Variants in CACHD1 observed in about 807,000 individuals in gnomAD.
The protein encoded by CACHD1 is cache domain containing 1, also known as VWFA and cache domain-containing protein 1.
In CACHD1, 71 loss-of-function variants were observed where a neutral mutation model predicts 138.7. The ratio of observed to expected loss-of-function variants is 0.51; its 90% CI spans 0.42 to 0.62. The LOEUF (loss-of-function observed/expected upper bound fraction) is 0.62, where lower values mean the gene tolerates loss of function less well. Ranked by LOEUF, CACHD1 falls within the 20% of genes least tolerant of loss-of-function variation. The pLI is 0.00. For missense variants in CACHD1, 1,389 were observed against 1,625.3 expected (o/e 0.85, Z 2.50); for synonymous variants, 578 against 591.5 (o/e 0.98, Z 0.33).
intron 2 of CACHD1, among the ~76,000 whole-genome samples, chr1:64,559,675 C>A (rs1485711620): frequency 6.6e-6 from 1 of 151,480 alleles, no homozygotes; most frequent in Admixed American, 6.6e-5. Flanking sequence ...ACAAACAAAC[C>A]AAAAAAACAA....
chr1:64,486,231 T>G (rs946786816), intron 1 of CACHD1, among the ~76,000 whole-genome samples: 3 of 152,216 alleles, frequency 2.0e-5, no homozygotes, highest in Admixed American at 6.5e-5. Context: ...TTAAATAATT[T>G]AATGATTTTT....
intron 2 of CACHD1, among the ~76,000 whole-genome samples, chr1:64,553,344 C>G (rs981104350): frequency 5.9e-5 from 9 of 152,312 alleles, no homozygotes; most frequent in Admixed American, 5.9e-4. Context: ...ACATTCTAGA[C>G]TCTGTGGTCC....
intron 2 of CACHD1, among the ~76,000 whole-genome samples, chr1:64,554,146 C>T (rs943148621): frequency 1.3e-5 from 2 of 152,236 alleles, no homozygotes; most frequent in African/African-American, 4.8e-5. Flanking sequence ...ATCCTCCTGC[C>T]TCAGCCTCCC....
At chr1:64,489,888 T>C (rs1646264291) in intron 1 of CACHD1, among the ~76,000 whole-genome samples, 1 of 152,200 alleles carries the variant, frequency 6.6e-6, no homozygotes, top group Non-Finnish European at 1.5e-5. Context: ...GTTATAATAT[T>C]ATTAGTTCCT....
intron 24 of CACHD1, among the ~76,000 whole-genome samples, 197 bp downstream of exon 24, chr1:64,679,953 C>T (rs1231131403): frequency 1.3e-5 from 2 of 152,184 alleles, no homozygotes. Context: ...CCGGAAAAAT[C>T]CCTGGATCCT....
rs561455631 is a variant in CACHD1 at position 64,645,982 on chromosome 1, GC to G, written c.1157-1818del. 8.5e-5 allele frequency among the ~76,000 whole-genome samples: 13 copies of G among 152,148 alleles called. No homozygotes were observed. In the East Asian group the frequency reaches 2.5e-3, roughly 29 times the overall value. ...TCTAGCATGACCATGTTGATAATAGGCAACCCAGCGTACTTACCAATCAGCC... is the reference window on the plus strand; with the variant it reads ...TCTAGCATGACCATGTTGATAATAGGAACCCAGCGTACTTACCAATCAGCC... On this transcript the variant is annotated intron_variant, in intron 8 of 26. Transcript: ENST00000651257.
chr1:64,680,363 C>A (rs1215446343), intron 24 of CACHD1, among the ~76,000 whole-genome samples: 1 of 151,994 alleles, frequency 6.6e-6, no homozygotes, highest in Non-Finnish European at 1.5e-5. Flanking sequence ...TGGCACCTAC[C>A]CGTGGTCTGA....
chr1:64,609,363 A>G (rs1354473447), intron 4 of CACHD1, among the ~76,000 whole-genome samples: 1 of 152,212 alleles, frequency 6.6e-6, no homozygotes, highest in Non-Finnish European at 1.5e-5. Flanking sequence ...AGTGTCATAA[A>G]ATATGTAATT....
At chr1:64,668,339 A>G (rs12138556) in intron 16 of CACHD1, among the ~76,000 whole-genome samples, 1 of 151,166 alleles carries the variant, frequency 6.6e-6, no homozygotes, top group South Asian at 2.1e-4. Flanking sequence ...AAAAAAAAAA[A>G]AAGAAAAAGA....
chr1:64,549,448 T>C (rs1039841337), intron 1 of CACHD1, among the ~76,000 whole-genome samples: 2 of 152,198 alleles, frequency 1.3e-5, no homozygotes, highest in African/African-American at 4.8e-5. Context: ...TTCCAGACTG[T>C]AATTTCATCC....
intron 2 of CACHD1, among the ~76,000 whole-genome samples, chr1:64,570,231 A>G (rs1008398223): frequency 2.0e-5 from 3 of 152,234 alleles, no homozygotes; most frequent in African/African-American, 7.2e-5. Context: ...TACTGCTCAT[A>G]TCAGGAACCC....
intron 4 of CACHD1, among the ~76,000 whole-genome samples, chr1:64,616,599 T>G (rs1329053683): frequency 6.6e-6 from 1 of 152,144 alleles, no homozygotes; most frequent in Non-Finnish European, 1.5e-5. Context: ...ATAAGAGTAA[T>G]GCTAAGCCAG....
intron 1 of CACHD1, among the ~76,000 whole-genome samples, chr1:64,508,014 C>T (rs76100064): frequency 0.02 from 3,116 of 152,176 alleles, 59 homozygotes; most frequent in Non-Finnish European, 0.032. Flanking sequence ...GTACAGAAAA[C>T]GTGGCTGAGG....
At chr1:64,588,795 T>C (rs1378218420) in intron 3 of CACHD1, among the ~76,000 whole-genome samples, 2 of 152,204 alleles carry the variant, frequency 1.3e-5, no homozygotes, top group Non-Finnish European at 2.9e-5. Context: ...TTGGTGTCTT[T>C]ATTTAAAAAG....
chr1:64,613,549 C>T (rs1233888279), intron 4 of CACHD1: 1 of 152,108 alleles, frequency 6.6e-6, no homozygotes, highest in East Asian at 1.9e-4. Flanking sequence ...GTCAGGCTCT[C>T]ATTGCTCCCT....
intron 1 of CACHD1, among the ~76,000 whole-genome samples, chr1:64,478,594 C>T (rs763716870): frequency 2.0e-5 from 3 of 152,182 alleles, no homozygotes; most frequent in Non-Finnish European, 2.9e-5. Flanking sequence ...ACAGGACATC[C>T]AGTGCCTCCC....
intron 2 of CACHD1, among the ~76,000 whole-genome samples, chr1:64,574,001 G>T (rs1236761173): frequency 1.3e-5 from 2 of 152,188 alleles, no homozygotes; most frequent in African/African-American, 4.8e-5. Context: ...AGCAGAAAGT[G>T]AGTGGAACAA....
intron 1 of CACHD1, among the ~76,000 whole-genome samples, chr1:64,491,874 G>A (rs1441611198): frequency 6.6e-6 from 1 of 152,144 alleles, no homozygotes; most frequent in South Asian, 2.1e-4. Flanking sequence ...TCCTACCTCA[G>A]CCTCCCAAAG....
chr1:64,471,846 G>A (rs1328437761), intron 1 of CACHD1, among the ~76,000 whole-genome samples: 1 of 151,996 alleles, frequency 6.6e-6, no homozygotes, highest in Non-Finnish European at 1.5e-5. Context: ...TGTTACTCAC[G>A]ACCAACAGTA....
Sources: allele counts gnomAD v4.1 joint callset (sites outside exome capture counted in the v4.1 genomes callset), GRCh38; gene constraint gnomAD v4.1.1; transcripts MANE v1.5; gene names NCBI Gene and HGNC (gene_info 2026-07-23, HGNC 2026-07-21).